Variants in ARSG observed in about 807,000 individuals in gnomAD.
ARSG encodes arylsulfatase G, also known as ASG.
Under a neutral mutation model 50.5 loss-of-function variants are expected in ARSG, and 37 were observed. The observed-to-expected ratio is 0.73, with a 90% confidence interval of 0.56 to 0.96. The LOEUF (loss-of-function observed/expected upper bound fraction) is 0.96, where lower values mean the gene tolerates loss of function less well. ARSG is among the 50% of genes least tolerant of loss of function. ARSG has a pLI of 0.00. For synonymous variants in ARSG, 225 were observed against 254.6 expected, an observed-to-expected ratio of 0.88 and a Z score of 1.11; for missense variants, 629 against 675.3, an observed-to-expected ratio of 0.93 and a Z score of 0.76.
At chr17:68,308,095 T>A (rs1377311281) in intron 2 of ARSG, among the ~76,000 whole-genome samples, 1 of 152,072 alleles carries the variant, frequency 6.6e-6, no homozygotes, top group Non-Finnish European at 1.5e-5. Flanking sequence ...CCTGAGCCCA[T>A]GATTTTGGGA....
intron 6 of ARSG, among the ~76,000 whole-genome samples, chr17:68,362,815 A>T: frequency 2.0e-5 from 3 of 152,044 alleles, no homozygotes; most frequent in Admixed American, 1.3e-4. Flanking sequence ...TCTTATTTAT[A>T]TTTTAGTTGC....
At position 68,343,753 on chromosome 17, in the gene ARSG, A is replaced by G; in HGVS notation, c.368A>G (p.Glu123Gly). 1.2e-6 allele frequency: 2 copies of G among 1,613,946 alleles called. No homozygotes were observed. Among genetic ancestry groups the G allele is most frequent in the Middle Eastern group, 1.7e-4 (1 of 6,060 alleles). Residue 123 changes from glutamate (E) to glycine (G), a missense_variant, in exon 3 of 12, where the codon GAG (glutamate) becomes GGG (glycine). Transcript: ENST00000621439. ...CCGCTCAACGAGACCACCTTGGCAG[A>G]GGTGCTGCAGCAGGCGGGTTACGTC... ...GLPLNETTLA[E>G]VLQQAGYVTG...
Position 68,381,122 on chromosome 17 carries a change from A to G in ARSG, c.983-3942A>G, listed in dbSNP as rs1599981165. ...ATTTGCGAATTTCCTTGTTTGCTGCATTGCCTTTCTGACTCAGTGAAACAT... is the reference window on the plus strand; with the variant it reads ...ATTTGCGAATTTCCTTGTTTGCTGCGTTGCCTTTCTGACTCAGTGAAACAT... On this transcript the variant is annotated intron_variant, in intron 8 of 11. Coordinates refer to ENST00000621439, the MANE Select transcript of ARSG (RefSeq NM_001267727.2). This position sits in a 1 kb window ranked among gnomAD's most constrained non-coding sequence, Gnocchi z 4.1. Among the ~76,000 whole-genome samples, 3 of 152,284 alleles carry G rather than the reference A, an allele frequency of 2.0e-5. No individual in the cohort carries two copies. The highest frequency in any genetic ancestry group is 2.9e-5 in the Non-Finnish European group (2 of 68,032).
At chr17:68,435,442 C>T in the ARSG span, among the ~76,000 whole-genome samples, 2 of 152,180 alleles carry the variant, frequency 1.3e-5, no homozygotes. Context: ...ATTGAATTAA[C>T]AAATGCATGA....
chr17:68,295,146 C>T (rs1487054266), intron 1 of ARSG, among the ~76,000 whole-genome samples: 1 of 152,060 alleles, frequency 6.6e-6, no homozygotes, highest in Non-Finnish European at 1.5e-5. Context: ...TCAGGGAAGC[C>T]TTCAACTGGC....
At chr17:68,374,564 C>G (rs1232245326) in intron 8 of ARSG, among the ~76,000 whole-genome samples, 1 of 152,042 alleles carries the variant, frequency 6.6e-6, no homozygotes, top group African/African-American at 2.4e-5. Flanking sequence ...AATACATTTA[C>G]TAGCTGGCCA....
At chr17:68,287,891 A>T (rs1216839652), upstream of ARSG, among the ~76,000 whole-genome samples, 1 of 151,854 alleles carries the variant, frequency 6.6e-6, no homozygotes, top group African/African-American at 2.4e-5. Context: ...TGCAGAATAA[A>T]ACCCTTCCTG....
At chr17:68,372,230 G>A (rs1213846050) in intron 8 of ARSG, among the ~76,000 whole-genome samples, 1 of 152,086 alleles carries the variant, frequency 6.6e-6, no homozygotes, top group Non-Finnish European at 1.5e-5. Context: ...AACCAAAAAG[G>A]TCTATCTGTC....
intron 2 of ARSG, among the ~76,000 whole-genome samples, chr17:68,325,477 C>G (rs533506178): frequency 2.0e-5 from 3 of 152,170 alleles, no homozygotes; most frequent in Admixed American, 2.0e-4. Flanking sequence ...TGAATCATCT[C>G]GAAACCATCC....
At chr17:68,426,254 G>GCC, downstream of ARSG, 1 of 816,924 alleles carries the variant, frequency 1.2e-6, no homozygotes, top group African/African-American at 1.7e-5. Flanking sequence ...GGGAGCGGGG[G>GCC]CTCAAATAAA....
intron 10 of ARSG, chr17:68,400,244 G>A (rs967795373): frequency 3.3e-5 from 5 of 152,268 alleles, no homozygotes; most frequent in Non-Finnish European, 5.9e-5. Flanking sequence ...ACCTACCAAG[G>A]ACACTGGCCT....
chr17:68,430,594 T>A, the ARSG span, among the ~76,000 whole-genome samples: 5 of 152,112 alleles, frequency 3.3e-5, no homozygotes, highest in African/African-American at 1.2e-4. Context: ...ACTGAGTGGG[T>A]AGCAAACCTC....
chr17:68,310,523 T>C (rs2076809358), intron 2 of ARSG, among the ~76,000 whole-genome samples: 1 of 152,048 alleles, frequency 6.6e-6, no homozygotes, highest in African/African-American at 2.4e-5. Context: ...CTCCTTTCCC[T>C]TCTTAGATGG....
intron 1 of ARSG, among the ~76,000 whole-genome samples, chr17:68,276,930 G>A (rs925174697): frequency 1.1e-4 from 17 of 152,144 alleles, no homozygotes; most frequent in African/African-American, 2.9e-4. Flanking sequence ...TATTTTATGC[G>A]ATTGGGTCTG....
intron 1 of ARSG, among the ~76,000 whole-genome samples, chr17:68,292,464 A>G (rs1325092352): frequency 6.6e-6 from 1 of 152,186 alleles, no homozygotes; most frequent in Non-Finnish European, 1.5e-5. Flanking sequence ...CGGGGGCGCA[A>G]ACTTAGCTTC....
chr17:68,309,029 G>A (rs917226480), intron 2 of ARSG, among the ~76,000 whole-genome samples: 2 of 152,250 alleles, frequency 1.3e-5, no homozygotes, highest in Admixed American at 6.5e-5. Context: ...CAGGCATGGC[G>A]GGCTGCAGGT....
At chr17:68,312,565 GGA>G (rs1555767150) in intron 2 of ARSG, among the ~76,000 whole-genome samples, 1 of 151,966 alleles carries the variant, frequency 6.6e-6, no homozygotes, top group African/African-American at 2.4e-5. Flanking sequence ...TGAGCAGAAA[GGA>G]GGACTCAGGG....
At chr17:68,374,844 G>T (rs1028663796) in intron 8 of ARSG, among the ~76,000 whole-genome samples, 27 of 120,450 alleles carry the variant, frequency 2.2e-4, no homozygotes, top group African/African-American at 9.1e-4. Flanking sequence ...AACAGAGTGA[G>T]ACTCAGAAAA....
intron 2 of ARSG, among the ~76,000 whole-genome samples, chr17:68,309,843 G>A (rs1555766033): frequency 6.7e-6 from 1 of 149,844 alleles, no homozygotes; most frequent in Non-Finnish European, 1.5e-5. Flanking sequence ...TGGGCAATAA[G>A]AGTGAGACTC....
Sources: allele counts gnomAD v4.1 joint callset (sites outside exome capture counted in the v4.1 genomes callset), GRCh38; gene constraint gnomAD v4.1.1; non-coding constraint Gnocchi (gnomAD v3.1); transcripts MANE v1.5; gene names NCBI Gene and HGNC (gene_info 2026-07-23, HGNC 2026-07-21).